The following CCDC71 variants were observed in gnomAD, a reference collection of about 807,000 sequenced individuals.
CCDC71 encodes coiled-coil domain containing 71, also known as coiled-coil domain-containing protein 71.
For synonymous variants in CCDC71, 257 were observed against 242.2 expected (o/e 1.06, Z -0.57); for missense variants, 594 against 604.0 (o/e 0.98, Z 0.17).
chr3:49,164,419 C>T (rs2045711144), intron 1 of CCDC71, among the ~76,000 whole-genome samples, 159 bp from the exon 2 acceptor site: 1 of 152,174 alleles, frequency 6.6e-6, no homozygotes, highest in Admixed American at 6.5e-5. Context: ...GACCCTCTAC[C>T]ATGCTGGGGT....
rs751263111 is a variant in CCDC71 at position 49,164,233 on chromosome 3, T to G, written c.-25A>C. 6.3e-7 allele frequency: 1 copy of G among 1,595,180 alleles called. No homozygotes were observed. The highest frequency in any genetic ancestry group is 1.7e-5 in the Admixed American group (1 of 59,538). On this transcript the variant is annotated 5_prime_UTR_variant, in exon 2 of 2. Transcript: ENST00000321895. ...TGGCATTAGGCACTGCAGATCTGCC[T>G]GGGTATCCGCAAACCAGCGCTTGGC...
Position 49,163,199 on chromosome 3 carries a change from G to A in CCDC71, c.1010C>T (p.Ala337Val), listed in dbSNP as rs1269632370. 1.9e-6 allele frequency: 3 copies of A among 1,572,996 alleles called. No homozygotes were observed. The highest frequency in any genetic ancestry group is 4.6e-5 in the East Asian group (2 of 43,894). Reference protein sequence around the residue: ...AQVKAKAKVMAAWAKAKAKAK... With the variant: ...AQVKAKAKVMVAWAKAKAKAK... ...TTTAGCCTTGGCCTTGGCCCATGCTGCCATGACTTTGGCCTTGGCCTTGAC... is the reference window on the plus strand; with the variant it reads ...TTTAGCCTTGGCCTTGGCCCATGCTACCATGACTTTGGCCTTGGCCTTGAC... Residue 337 changes from alanine to valine, a missense_variant, in exon 2 of 2, where the codon GCA becomes GTA. Ala to Val is a moderately conservative substitution (Grantham distance 64). Coordinates refer to ENST00000321895, the MANE Select transcript of CCDC71 (RefSeq NM_022903.4).
chr3:49,163,729 G>A lies in CCDC71; in HGVS notation c.480C>T (p.Gly160=), dbSNP rs1400046500. ...SASHARGAAV[G]FPTHLYPGVY... ...CACCTGGATAAAGGTGGGTGGGGAA[G>A]CCCACTGCTGCACCCCGGGCATGGC... Residue 160 remains glycine, a synonymous_variant, in exon 2 of 2, where the codon GGC becomes GGT. Transcript: ENST00000321895. 20 of 1,613,952 alleles carry A rather than the reference G, an allele frequency of 1.2e-5. No individual in the cohort carries two copies. Among genetic ancestry groups the A allele is most frequent in the Non-Finnish European group, 1.7e-5 (20 of 1,180,024 alleles).
chr3:49,165,827 C>T (rs1294409829), intron 1 of CCDC71, among the ~76,000 whole-genome samples: 1 of 152,280 alleles, frequency 6.6e-6, no homozygotes, highest in Non-Finnish European at 1.5e-5. Context: ...TTAGGCTGGG[C>T]TCTTGGGAGG....
rs571495643 is a variant in CCDC71 at position 49,163,217 on chromosome 3, G to GCCTTGA, written c.986_991dup (p.Val329_Lys330dup). The GCCTTGA allele has an allele frequency of 5.9e-4, 934 of 1,571,740 alleles. 11 individuals are homozygous for GCCTTGA. The South Asian group carries it at 8.9e-3, about 15-fold the overall frequency. On this transcript the variant is annotated inframe_insertion, in exon 2 of 2. Coordinates refer to ENST00000321895, the MANE Select transcript of CCDC71 (RefSeq NM_022903.4). ...CCATGCTGCCATGACTTTGGCCTTG[G>GCCTTGA]CCTTGACCTGTGCTGCCTTAGCTTT...
In CCDC71 at chr3:49,163,328, C is replaced by T. The variant is rs748466542; in HGVS notation, c.881G>A (p.Arg294His). 32 of 1,613,748 alleles carry T rather than the reference C, an allele frequency of 2.0e-5. No individual in the cohort carries two copies. Among genetic ancestry groups the T allele is most frequent in the African/African-American group, 5.3e-5 (4 of 74,952 alleles). Residue 294 changes from arginine (R) to histidine (H), a missense_variant, in exon 2 of 2, where the codon CGT becomes CAT. Transcript: ENST00000321895. ...TGTTCGAGCCACCTTGGCTTGGGCACGAGCAGCTTTGGCCAGTGTTCGAGC... is the reference window on the plus strand; with the variant it reads ...TGTTCGAGCCACCTTGGCTTGGGCATGAGCAGCTTTGGCCAGTGTTCGAGC... ...KVARTLAKAA[R>H]AQAKVARTQA...
intron 1 of CCDC71, 58 bp from the exon 2 acceptor site, chr3:49,164,318 A>C: frequency 9.7e-7 from 1 of 1,034,224 alleles, no homozygotes; most frequent in Admixed American, 2.4e-5. Flanking sequence ...GGGCCAGAAC[A>C]CATAGACAAG....
At position 49,163,706 on chromosome 3, in the gene CCDC71, C is replaced by A; in HGVS notation, c.503G>T (p.Gly168Val). The A allele has an allele frequency of 6.2e-7, 1 of 1,614,054 alleles. No individual in the cohort carries two copies. Among genetic ancestry groups the A allele is most frequent in the Admixed American group, 1.7e-5 (1 of 60,020 alleles). Residue 168 changes from glycine to valine, a missense_variant, in exon 2 of 2, where the codon GGT becomes GTT. Transcript: ENST00000321895. Reference protein sequence around the residue: ...AVGFPTHLYPGVYPAMRLSVV... With the variant: ...AVGFPTHLYPVVYPAMRLSVV... ...AGAGAGCCGCATGGCAGGGTAGACA[C>A]CTGGATAAAGGTGGGTGGGGAAGCC... is the stretch of plus-strand genomic sequence containing the variant.
Position 49,163,862 on chromosome 3 carries a change from A to G in CCDC71, c.347T>C (p.Leu116Pro). ...AMRLPAGRAT[L>P]LPMPLSGRLA... ...TCTGCCAGATAGCGGCATGGGAAGC[A>G]GTGTGGCCCGACCTGCAGGCAACCG... Residue 116 changes from leucine (L) to proline (P), a missense_variant, in exon 2 of 2, where the codon CTG becomes CCG. Physicochemically the swap from Leu to Pro is moderately conservative, Grantham distance 98. Transcript: ENST00000321895. The G allele has an allele frequency of 1.2e-6, 2 of 1,614,196 alleles. No homozygotes were observed. The highest frequency in any genetic ancestry group is 2.2e-5 in the South Asian group (2 of 91,088).
Position 49,163,316 on chromosome 3 carries a change from T to A in CCDC71, c.893A>T (p.Lys298Met). The change falls in exon 2 of 2, where the codon AAG becomes ATG. Residue 298 changes from lysine (K) to methionine (M), a missense_variant. Lys to Met is a moderately conservative substitution (Grantham distance 95). Transcript: ENST00000321895. ...TLAKAARAQA[K>M]VARTQAKAAK... is the part of the protein sequence containing the mutation. Reference sequence around the variant, plus strand: ...AGCCTTGGCCTGTGTTCGAGCCACCTTGGCTTGGGCACGAGCAGCTTTGGC... The same window carrying A: ...AGCCTTGGCCTGTGTTCGAGCCACCATGGCTTGGGCACGAGCAGCTTTGGC... 6.2e-7 allele frequency: 1 copy of A among 1,613,964 alleles called. No homozygotes were observed. Among genetic ancestry groups the A allele is most frequent in the Non-Finnish European group, 8.5e-7 (1 of 1,180,026 alleles).
At position 49,163,003 on chromosome 3, in the gene CCDC71, C is replaced by A; in HGVS notation, c.1206G>T (p.Lys402Asn). 6.2e-7 allele frequency: 1 copy of A among 1,614,268 alleles called. No homozygotes were observed. Among genetic ancestry groups the A allele is most frequent in the Non-Finnish European group, 8.5e-7 (1 of 1,180,048 alleles). The change falls in exon 2 of 2, where the codon AAG becomes AAT. Residue 402 changes from lysine (K) to asparagine (N), a missense_variant. Lys to Asn is a moderately conservative substitution (Grantham distance 94). Transcript: ENST00000321895. Reference sequence around the variant, plus strand: ...ATCGGGGCCCAAGCCGTGTTCTCTTCTTGGGAGGAAGATCTTTTGCCTCCT... The same window carrying A: ...ATCGGGGCCCAAGCCGTGTTCTCTTATTGGGAGGAAGATCTTTTGCCTCCT... The part of the protein sequence containing the change: ...RAEEAKDLPP[K>N]KRTRLGPRSP...
Position 49,163,850 on chromosome 3 carries a change from G to A in CCDC71, c.359C>T (p.Pro120Leu), listed in dbSNP as rs763118691. The A allele has an allele frequency of 4.3e-6, 7 of 1,614,084 alleles. No individual in the cohort carries two copies. The highest frequency in any genetic ancestry group is 2.2e-5 in the East Asian group (1 of 44,896). ...PAGRATLLPM[P>L]LSGRLAKAST... ...TGCTTTGGCCAGTCTGCCAGATAGC[G>A]GCATGGGAAGCAGTGTGGCCCGACC... The change falls in exon 2 of 2, where the codon CCG becomes CTG. Residue 120 changes from proline (P) to leucine (L), a missense_variant. Pro to Leu is a moderately conservative substitution (Grantham distance 98, BLOSUM62 -3). Coordinates refer to ENST00000321895, the MANE Select transcript of CCDC71 (RefSeq NM_022903.4).
At position 49,162,963 on chromosome 3, in the gene CCDC71, G is replaced by C. The variant is rs1280636116; in HGVS notation, c.1246C>G (p.Leu416Val). 6.2e-7 allele frequency: 1 copy of C among 1,614,262 alleles called. No individual in the cohort carries two copies. The highest frequency in any genetic ancestry group is 2.2e-5 in the East Asian group (1 of 44,884). Residue 416 changes from leucine to valine, a missense_variant, in exon 2 of 2, where the codon CTA (leucine) becomes GTA (valine). Leu to Val is a conservative substitution (Grantham distance 32, BLOSUM62 1). Transcript: ENST00000321895. ...RLGPRSPKAW[L>V]GPGTAKLLKF... ...AGCAGCTTTGCTGTTCCAGGCCCTAGCCATGCCTTAGGAGATCGGGGCCCA... is the reference window on the plus strand; with the variant it reads ...AGCAGCTTTGCTGTTCCAGGCCCTACCCATGCCTTAGGAGATCGGGGCCCA...
Position 49,163,186 on chromosome 3 carries a change from C to T in CCDC71, c.1023G>A (p.Lys341=). ...AKAKVMAAWA[K]AKAKAKAVRA... is the part of the protein sequence containing the mutation. ...GTACTGCCTTGGCTTTAGCCTTGGC[C>T]TTGGCCCATGCTGCCATGACTTTGG... The change falls in exon 2 of 2, where the codon AAG becomes AAA. Residue 341 remains lysine (K), a synonymous_variant. Transcript: ENST00000321895. 3.2e-6 allele frequency: 5 copies of T among 1,569,450 alleles called. No individual in the cohort carries two copies. In the African/African-American group the frequency reaches 4.1e-5, roughly 13 times the overall value.
At position 49,163,723 on chromosome 3, in the gene CCDC71, G is replaced by A. The variant is rs761112144; in HGVS notation, c.486C>T (p.Pro162=). ...GGTAGACACCTGGATAAAGGTGGGT[G>A]GGGAAGCCCACTGCTGCACCCCGGG... The part of the protein sequence containing the change: ...SHARGAAVGF[P]THLYPGVYPA... The change falls in exon 2 of 2, where the codon CCC becomes CCT. Residue 162 remains proline (P), a synonymous_variant. Transcript: ENST00000321895. 3.7e-6 allele frequency: 6 copies of A among 1,613,946 alleles called. No homozygotes were observed. The African/African-American group carries it at 4.0e-5, about 11-fold the overall frequency.
At chr3:49,164,901 G>C (rs1355660401) in intron 1 of CCDC71, among the ~76,000 whole-genome samples, 1 of 152,220 alleles carries the variant, frequency 6.6e-6, no homozygotes, top group Non-Finnish European at 1.5e-5. Context: ...AAAGAACCCT[G>C]AATGTTAGCC....
In CCDC71 at chr3:49,163,377, TGCCCAGGGCAGA is replaced by T; in HGVS notation, c.820_831del (p.Ser274_Gly277del). The T allele has an allele frequency of 6.2e-7, 1 of 1,614,050 alleles. No homozygotes were observed. The highest frequency in any genetic ancestry group is 8.5e-7 in the Non-Finnish European group (1 of 1,180,034). ...GCTACCTTGGCCTGGGCTGTTTTGGTGCCCAGGGCAGAGCCCCCTTTCATTCGCCGGACACTG... is the reference window on the plus strand; with the variant it reads ...GCTACCTTGGCCTGGGCTGTTTTGGTGCCCCCTTTCATTCGCCGGACACTG... On this transcript the variant is annotated inframe_deletion, in exon 2 of 2. Coordinates refer to ENST00000321895, the MANE Select transcript of CCDC71 (RefSeq NM_022903.4).
chr3:49,165,499 C>T (rs897371256), intron 1 of CCDC71, among the ~76,000 whole-genome samples: 2 of 152,258 alleles, frequency 1.3e-5, no homozygotes, highest in Admixed American at 6.5e-5. Flanking sequence ...GTCCCTCGGG[C>T]CATGAGGCCC....
chr3:49,164,215 A>G lies in CCDC71; in HGVS notation c.-7T>C. The G allele has an allele frequency of 6.2e-7, 1 of 1,602,852 alleles. No individual in the cohort carries two copies. Among genetic ancestry groups the G allele is most frequent in the Non-Finnish European group, 8.5e-7 (1 of 1,171,718 alleles). On this transcript the variant is annotated 5_prime_UTR_variant, in exon 2 of 2. An upstream open reading frame in the 5' UTR loses its in-frame stop. Transcript: ENST00000321895. Reference sequence around the variant, plus strand: ...GCTGAACCACCACACTCATGGCATTAGGCACTGCAGATCTGCCTGGGTATC... The same window carrying G: ...GCTGAACCACCACACTCATGGCATTGGGCACTGCAGATCTGCCTGGGTATC...
Sources: gnomAD v4.1 joint callset for allele counts (sites outside exome capture counted in the v4.1 genomes callset) on GRCh38, gnomAD v4.1.1 for gene constraint, MANE v1.5 for transcripts, NCBI Gene and HGNC (gene_info 2026-07-23, HGNC 2026-07-21) for gene names.